CKMT1B: variants seen among roughly 807,000 people sequenced by gnomAD.
CKMT1B encodes creatine kinase, mitochondrial 1B.
In CKMT1B, 13 loss-of-function variants were observed where a neutral mutation model predicts 21.8. The observed-to-expected ratio is 0.60, with a 90% CI of 0.39 to 0.95. The LOEUF (loss-of-function observed/expected upper bound fraction) is 0.95. Among genes scored for constraint, CKMT1B ranks in the 40% least tolerant of loss-of-function variants. The pLI is 0.00. For missense variants in CKMT1B, 157 were observed against 227.5 expected (o/e 0.69, Z 1.99); for synonymous variants, 50 against 80.3 (o/e 0.62, Z 2.02).
chr15:43,598,913 C>G lies in CKMT1B; in HGVS notation c.1098C>G (p.Val366=). The change falls in exon 8 of 9, where the codon GTC becomes GTG. Residue 366 remains valine (V), a synonymous_variant. Coordinates refer to ENST00000441322, the MANE Select transcript of CKMT1B (RefSeq NM_001375484.1). ...GGVDTAATGG[V]FDISNLDRLG... is the part of the protein sequence containing the mutation. ...TGGACACTGCTGCTACAGGCGGTGTCTTTGATATTTCTAATTTGGACCGAC... is the reference window on the plus strand; with the variant it reads ...TGGACACTGCTGCTACAGGCGGTGTGTTTGATATTTCTAATTTGGACCGAC... 1.9e-6 allele frequency: 3 copies of G among 1,610,124 alleles called. No individual in the cohort carries two copies. Among genetic ancestry groups the G allele is most frequent in the Non-Finnish European group, 2.5e-6 (3 of 1,179,642 alleles).
chr15:43,596,479 A>G lies in CKMT1B; in HGVS notation c.824A>G (p.Lys275Arg), dbSNP rs149230297. The change falls in exon 6 of 9, where the codon AAG becomes AGG. Residue 275 changes from lysine (K) to arginine (R), a missense_variant. Transcript: ENST00000441322. ...CATACACGGGTGATCTCCATGGAGA[A>G]GGGTGGTAACATGAAGAGAGTGTTT... The part of the protein sequence containing the change: ...EDHTRVISME[K>R]GGNMKRVFER... 4.6e-4 allele frequency: 739 copies of G among 1,603,876 alleles called. 12 individuals are homozygous for G. The highest frequency in any genetic ancestry group is 6.0e-4 in the Non-Finnish European group (707 of 1,178,062).
At chr15:43,599,003 G>T in intron 8 of CKMT1B, 51 bp downstream of exon 8, 2 of 1,605,384 alleles carry the variant, frequency 1.2e-6, no homozygotes, top group South Asian at 1.1e-5. Flanking sequence ...TGCGAGGGCC[G>T]AAATATGGCA....
Position 43,598,814 on chromosome 15 carries a change from A to G in CKMT1B, c.1012-13A>G, listed in dbSNP as rs374254621. 3.1e-6 allele frequency: 5 copies of G among 1,600,230 alleles called. No individual in the cohort carries two copies. In the African/African-American group the frequency reaches 5.6e-5, roughly 18 times the overall value. The stretch of plus-strand genomic sequence containing the variant: ...TCTATTGACCCTGCTCCCAATCCCT[A>G]TCTCCTCTCTAGGATAGCCGCTTCC... On this transcript the variant is annotated splice_polypyrimidine_tract_variant and intron_variant, in intron 7 of 8. Coordinates refer to ENST00000441322, the MANE Select transcript of CKMT1B (RefSeq NM_001375484.1).
chr15:43,599,234 T>TA lies in CKMT1B; in HGVS notation c.1216dup (p.Ile406AsnfsTer31), dbSNP rs2085641875. 6.2e-7 allele frequency: 1 copy of TA among 1,613,518 alleles called. No homozygotes were observed. The highest frequency in any genetic ancestry group is 2.2e-5 in the East Asian group (1 of 44,868). On this transcript the variant is annotated frameshift_variant, in exon 9 of 9. Transcript: ENST00000441322. LOFTEE classifies it high-confidence loss of function. ...AACGGCGTCTGGAGAGAGGCCAGGATATCCGCATCCCCACACCTGTCATCC... is the reference window on the plus strand; with the variant it reads ...AACGGCGTCTGGAGAGAGGCCAGGATAATCCGCATCCCCACACCTGTCATCC...
In CKMT1B at chr15:43,599,232, G is replaced by A. The variant is rs550622093; in HGVS notation, c.1213G>A (p.Asp405Asn). 10 of 1,613,558 alleles carry A rather than the reference G, an allele frequency of 6.2e-6. No individual in the cohort carries two copies. The highest frequency in any genetic ancestry group is 1.1e-5 in the South Asian group (1 of 91,042). ...DCERRLERGQ[D>N]IRIPTPVIHT... ...TGAACGGCGTCTGGAGAGAGGCCAGGATATCCGCATCCCCACACCTGTCAT... is the reference window on the plus strand; with the variant it reads ...TGAACGGCGTCTGGAGAGAGGCCAGAATATCCGCATCCCCACACCTGTCAT... The change falls in exon 9 of 9, where the codon GAT becomes AAT. Residue 405 changes from aspartate to asparagine, a missense_variant. Physicochemically the swap from Asp to Asn is conservative, Grantham distance 23. Transcript: ENST00000441322.
rs2141505046 is a variant in CKMT1B at position 43,595,962 on chromosome 15, G to A, written c.551G>A (p.Arg184Gln). The part of the protein sequence containing the change: ...SLPPACTRAE[R>Q]REVERVVVDA... ...CCTCCAGCTTGCACTCGAGCAGAGC[G>A]ACGAGAGGTGGAACGTGTTGTGGTG... The change falls in exon 4 of 9, where the codon CGA becomes CAA. Residue 184 changes from arginine (R) to glutamine (Q), a missense_variant. Transcript: ENST00000441322. 1 of 142,168 alleles carries A rather than the reference G, an allele frequency of 7.0e-6. No individual in the cohort carries two copies. Among genetic ancestry groups the A allele is most frequent in the South Asian group, 4.5e-5 (1 of 22,048 alleles). The allele number at this position is 142,168 out of a possible 1,614,324, so 8.8% of individuals were successfully genotyped here. A position where few individuals can be genotyped will look rare whatever the true frequency, so the allele number is the denominator to read the frequency against.
intron 7 of CKMT1B, among the ~76,000 whole-genome samples, chr15:43,598,588 G>A (rs2085619854): frequency 6.7e-6 from 1 of 148,612 alleles, no homozygotes; most frequent in African/African-American, 2.6e-5. Context: ...TTAGCTGGGT[G>A]TAGTGGAGGC....
chr15:43,598,834 G>A lies in CKMT1B; in HGVS notation c.1019G>A (p.Arg340His), dbSNP rs530779588. The A allele has an allele frequency of 3.0e-4, 490 of 1,606,938 alleles. 14 individuals are homozygous for A. The East Asian group carries it at 9.6e-3, about 32-fold the overall frequency. Residue 340 changes from arginine (R) to histidine (H), a missense_variant, in exon 8 of 9, where the codon CGC (arginine) becomes CAC (histidine). Coordinates refer to ENST00000441322, the MANE Select transcript of CKMT1B (RefSeq NM_001375484.1). ...TCCCTATCTCCTCTCTAGGATAGCC[G>A]CTTCCCAAAGATCCTGGAGAACCTA... is the stretch of plus-strand genomic sequence containing the variant. ...IKLPLLSKDS[R>H]FPKILENLRL... is the part of the protein sequence containing the mutation.
chr15:43,597,730 G>A (rs1417818406), intron 6 of CKMT1B: 3 of 1,020,268 alleles, frequency 2.9e-6, no homozygotes, highest in Non-Finnish European at 3.6e-6. Flanking sequence ...ATTCACACAG[G>A]TGCTCCGTTC....
At position 43,597,905 on chromosome 15, in the gene CKMT1B, C is replaced by G. The variant is rs535757429; in HGVS notation, c.877-288C>G. ...CATCTCTCAGTTCAGTTTACCACCT[C>G]TGTTCATTTCCCTAGATCATCCTTA... On this transcript the variant is annotated intron_variant, in intron 6 of 8. Transcript: ENST00000441322. The G allele has an allele frequency of 1.1e-3, 1,477 of 1,319,262 alleles. 15 individuals are homozygous for G. The highest frequency in any genetic ancestry group is 1.5e-3 in the Middle Eastern group (5 of 3,424). The allele number at this position is 1,319,262 out of a possible 1,614,324, so 81.7% of individuals were successfully genotyped here.
chr15:43,596,406 A>C lies in CKMT1B; in HGVS notation c.753-2A>C, dbSNP rs1319480459. 6.4e-7 allele frequency: 1 copy of C among 1,567,404 alleles called. No individual in the cohort carries two copies. Among genetic ancestry groups the C allele is most frequent in the Non-Finnish European group, 8.6e-7 (1 of 1,158,632 alleles). ...TGATCACTGTCCCTCTCCGGCCCTC[A>C]GGCACAACAATGAGAAGAGCTTCCT... On this transcript the variant is annotated splice_acceptor_variant, in intron 5 of 8. Transcript: ENST00000441322. LOFTEE classifies it high-confidence loss of function.
chr15:43,598,728 A>T, intron 7 of CKMT1B, 99 bp from the exon 8 acceptor site: 1 of 1,443,130 alleles, frequency 6.9e-7, no homozygotes, highest in Non-Finnish European at 9.2e-7. Context: ...GGAAAAAAAA[A>T]GTTCAGGAGA....
intron 6 of CKMT1B, chr15:43,597,799 T>G (rs2085597646): frequency 3.8e-6 from 4 of 1,051,068 alleles, no homozygotes; most frequent in Admixed American, 9.2e-5. Context: ...TCATCTTCTG[T>G]CTGAAGGGAC....
intron 6 of CKMT1B, among the ~76,000 whole-genome samples, chr15:43,596,843 G>T (rs1595952034): frequency 1.3e-5 from 2 of 149,396 alleles, no homozygotes; most frequent in South Asian, 4.2e-4. Flanking sequence ...GTGTGCAGTG[G>T]GATGGTGAGG....
At chr15:43,598,374 G>A (rs760356695) in intron 7 of CKMT1B, 47 bp downstream of exon 7, 2 of 1,596,382 alleles carry the variant, frequency 1.3e-6, no homozygotes, top group Admixed American at 3.4e-5. Flanking sequence ...AGGAAGGGTG[G>A]GTTGTGGATG....
chr15:43,599,211 C>T lies in CKMT1B; in HGVS notation c.1192C>T (p.Arg398Trp), dbSNP rs765473721. ...AGTAAACTATTTGATTGATTGTGAA[C>T]GGCGTCTGGAGAGAGGCCAGGATAT... ...DGVNYLIDCE[R>W]RLERGQDIRI... Residue 398 changes from arginine to tryptophan, a missense_variant, in exon 9 of 9, where the codon CGG becomes TGG. Coordinates refer to ENST00000441322, the MANE Select transcript of CKMT1B (RefSeq NM_001375484.1). 38 of 1,613,534 alleles carry T rather than the reference C, an allele frequency of 2.4e-5. 1 individual carries two copies. The highest frequency in any genetic ancestry group is 1.6e-4 in the Middle Eastern group (1 of 6,080).
rs781244702 is a variant in CKMT1B at position 43,598,290 on chromosome 15, G to A, written c.974G>A (p.Arg325Gln). 8.7e-6 allele frequency: 14 copies of A among 1,607,110 alleles called. No homozygotes were observed. The highest frequency in any genetic ancestry group is 1.1e-5 in the Non-Finnish European group (13 of 1,178,854). The stretch of plus-strand genomic sequence containing the variant: ...CCATCTAACCTGGGCACTGGACTTC[G>A]GGCAGGAGTGCACATCAAACTGCCC... ...TCPSNLGTGL[R>Q]AGVHIKLPLL... is the part of the protein sequence containing the mutation. The change falls in exon 7 of 9, where the codon CGG (arginine) becomes CAG (glutamine). Residue 325 changes from arginine (R) to glutamine (Q), a missense_variant. Transcript: ENST00000441322.
chr15:43,597,056 A>G (rs2614795), intron 6 of CKMT1B, among the ~76,000 whole-genome samples: 34,024 of 145,800 alleles, frequency 0.23, 8,128 homozygotes, highest in African/African-American at 0.56. Flanking sequence ...AGAATGGTTC[A>G]AGTTCTAGAA....
rs191824279 is a variant in CKMT1B at position 43,597,479 on chromosome 15, T to G, written c.877-714T>G. 24 of 1,256,922 alleles carry G rather than the reference T, an allele frequency of 1.9e-5. 1 individual carries two copies. In the Admixed American group the frequency reaches 2.6e-4, roughly 13 times the overall value. 77.9% of individuals were successfully genotyped at this position (1,256,922 alleles called of 1,614,324 possible). Reference sequence around the variant, plus strand: ...TGCAATATTATTCTGGATGGAAGAGTTTCCCCCCATGTTCAGCATGTAAGA... The same window carrying G: ...TGCAATATTATTCTGGATGGAAGAGGTTCCCCCCATGTTCAGCATGTAAGA... On this transcript the variant is annotated intron_variant, in intron 6 of 8. Transcript: ENST00000441322.
Sources: gnomAD v4.1 joint callset for allele counts (sites outside exome capture counted in the v4.1 genomes callset) on GRCh38, gnomAD v4.1.1 for gene constraint, MANE v1.5 for transcripts, NCBI Gene and HGNC (gene_info 2026-07-23, HGNC 2026-07-21) for gene names.